The following USH2A variants were observed in gnomAD, a reference collection of about 807,000 sequenced individuals.
USH2A encodes the protein Usher syndrome 2A (autosomal recessive, mild).
USH2A carries 443 observed loss-of-function variants against 538.9 expected under a neutral mutation model. The ratio of observed to expected loss-of-function variants is 0.82; its 90% CI spans 0.76 to 0.89. The LOEUF (loss-of-function observed/expected upper bound fraction) is 0.89. USH2A is among the 40% of genes least tolerant of loss of function. The probability of loss-of-function intolerance (pLI) is 0.00; values close to 1 mark genes in which losing one functional copy is unlikely to be tolerated. For missense variants in USH2A, 6,633 were observed against 6,324.8 expected (o/e 1.05, Z -1.65); for synonymous variants, 2,413 against 2,273.5 (o/e 1.06, Z -1.75).
chr1:215,900,036 G>A, intron 40 of USH2A, 39 bp downstream of exon 40: 1 of 1,613,062 alleles, frequency 6.2e-7, no homozygotes, highest in Non-Finnish European at 8.5e-7. Flanking sequence ...AGCTCCCTAT[G>A]TAGAAGACAT....
chr1:215,656,595 C>T (rs750078402), intron 64 of USH2A, among the ~76,000 whole-genome samples: 4 of 152,156 alleles, frequency 2.6e-5, no homozygotes, highest in Non-Finnish European at 4.4e-5. Flanking sequence ...TGTCTTTACG[C>T]TTGGAGCAAT....
chr1:216,126,544 C>T (rs1443581397), intron 21 of USH2A, among the ~76,000 whole-genome samples: 2 of 152,060 alleles, frequency 1.3e-5, no homozygotes, highest in East Asian at 1.9e-4. Flanking sequence ...TTGTGTCAGA[C>T]ATTACTCTAA....
intron 3 of USH2A, among the ~76,000 whole-genome samples, chr1:216,380,362 C>A (rs906758362): frequency 6.6e-6 from 1 of 151,972 alleles, no homozygotes; most frequent in Admixed American, 6.6e-5. Flanking sequence ...TTCCAGGCAC[C>A]AGAATACAGA....
Position 216,325,379 on chromosome 1 carries a change from T to A in USH2A, c.1069A>T (p.Asn357Tyr). The A allele has an allele frequency of 6.2e-7, 1 of 1,613,928 alleles. No individual in the cohort carries two copies. The highest frequency in any genetic ancestry group is 8.5e-7 in the Non-Finnish European group (1 of 1,179,888). ...DNDVGTSWVSNVFTNITQLNQ... is the reference protein window; with the variant it reads ...DNDVGTSWVSYVFTNITQLNQ... Reference sequence around the variant, plus strand: ...AGCTGTGTAATGTTTGTAAACACATTTGAAACCCATGAAGTACCAACATCA... The same window carrying A: ...AGCTGTGTAATGTTTGTAAACACATATGAAACCCATGAAGTACCAACATCA... The change falls in exon 6 of 72, where the codon AAT (asparagine) becomes TAT (tyrosine). Residue 357 changes from asparagine (N) to tyrosine (Y), a missense_variant. Asn to Tyr is a moderately radical substitution (Grantham distance 143). Coordinates refer to ENST00000307340, the MANE Select transcript of USH2A (RefSeq NM_206933.4).
At chr1:216,035,638 T>G (rs1465501187) in intron 32 of USH2A, among the ~76,000 whole-genome samples, 1 of 152,218 alleles carries the variant, frequency 6.6e-6, no homozygotes, top group Non-Finnish European at 1.5e-5. Context: ...ATATATTGGA[T>G]GATTAAATGA....
intron 38 of USH2A, among the ~76,000 whole-genome samples, chr1:215,928,327 T>G (rs552942408): frequency 6.6e-6 from 1 of 152,292 alleles, no homozygotes; most frequent in South Asian, 2.1e-4. Flanking sequence ...TTAATTGTCA[T>G]GTAAGGAAAG....
intron 43 of USH2A, among the ~76,000 whole-genome samples, chr1:215,875,615 T>G (rs1044034988): frequency 2.6e-5 from 4 of 152,092 alleles, no homozygotes; most frequent in African/African-American, 9.7e-5. Context: ...AATTATTTAA[T>G]AAGTTTTCAT....
At chr1:216,159,634 C>A (rs767503824) in intron 21 of USH2A, among the ~76,000 whole-genome samples, 4 of 151,142 alleles carry the variant, frequency 2.6e-5, no homozygotes, top group Non-Finnish European at 5.9e-5. Context: ...ATGTTAATTT[C>A]TTTGTCAGAT....
intron 63 of USH2A, among the ~76,000 whole-genome samples, chr1:215,673,739 CT>C (rs771847313): frequency 6.6e-6 from 1 of 152,180 alleles, no homozygotes; most frequent in Non-Finnish European, 1.5e-5. Context: ...ACATCATTTT[CT>C]TCACAGTCTG....
intron 11 of USH2A, among the ~76,000 whole-genome samples, chr1:216,270,470 ACT>A (rs1250689988): frequency 2.6e-5 from 4 of 151,808 alleles, no homozygotes; most frequent in Middle Eastern, 3.4e-3. Flanking sequence ...AAAATCTCTA[ACT>A]CCTCTTCTTC....
chr1:215,694,747 T>C (rs900660417), intron 61 of USH2A, among the ~76,000 whole-genome samples: 1 of 152,196 alleles, frequency 6.6e-6, no homozygotes, highest in African/African-American at 2.4e-5. Context: ...CACTTCCTAA[T>C]AACATCACAT....
chr1:216,247,088 T>A lies in USH2A; in HGVS notation c.2306A>T (p.Lys769Ile). 6.2e-7 allele frequency: 1 copy of A among 1,614,056 alleles called. No homozygotes were observed. The highest frequency in any genetic ancestry group is 8.5e-7 in the Non-Finnish European group (1 of 1,179,958). Residue 769 changes from lysine (K) to isoleucine (I), a missense_variant, in exon 13 of 72, where the codon AAA becomes ATA. Lys to Ile is a moderately radical substitution (Grantham distance 102). Transcript: ENST00000307340. ...CNPHSGQCEC[K>I]KEAKGLQCDT... ...ACACTGAAGTCCTTTGGCTTCTTTT[T>A]TGCACTCACACTGCCCAGAGTGAGG...
chr1:216,312,787 C>T (rs2037445430), intron 9 of USH2A, among the ~76,000 whole-genome samples: 1 of 152,122 alleles, frequency 6.6e-6, no homozygotes, highest in South Asian at 2.1e-4. Context: ...GTCTGAGTCT[C>T]ATTCTCATTT....
chr1:216,313,911 A>G (rs1206020201), intron 9 of USH2A, among the ~76,000 whole-genome samples: 3 of 152,040 alleles, frequency 2.0e-5, no homozygotes, highest in East Asian at 3.9e-4. Context: ...TTAATTTCTT[A>G]CACTTTGTAT....
At chr1:215,941,769 T>C (rs958442359) in intron 37 of USH2A, among the ~76,000 whole-genome samples, 1 of 152,168 alleles carries the variant, frequency 6.6e-6, no homozygotes, top group Non-Finnish European at 1.5e-5. Context: ...AACATTTTCT[T>C]CTAATTACTG....
chr1:215,750,197 T>C (rs1183539065), intron 58 of USH2A, among the ~76,000 whole-genome samples: 1 of 152,220 alleles, frequency 6.6e-6, no homozygotes, highest in African/African-American at 2.4e-5. Context: ...TTCTCCACTG[T>C]ATAGGTAGGG....
Position 215,934,785 on chromosome 1 carries a change from G to A in USH2A, c.7131C>T (p.Asn2377=), listed in dbSNP as rs758699151. 3 of 1,610,266 alleles carry A rather than the reference G, an allele frequency of 1.9e-6. No homozygotes were observed. The highest frequency in any genetic ancestry group is 2.5e-6 in the Non-Finnish European group (3 of 1,178,042). The change falls in exon 38 of 72, where the codon AAC becomes AAT. Residue 2377 remains asparagine, a synonymous_variant. Coordinates refer to ENST00000307340, the MANE Select transcript of USH2A (RefSeq NM_206933.4). ...GIFYVDPVGN[N]YTLLNVTKVM... ...CTTTTGTGACATTCAGAAGGGTGTA[G>A]TTATTACCTACTGATTAAAAAAGAA...
intron 12 of USH2A, among the ~76,000 whole-genome samples, chr1:216,248,738 C>T (rs2036100665): frequency 6.6e-6 from 1 of 152,032 alleles, no homozygotes; most frequent in Non-Finnish European, 1.5e-5. Context: ...AATTGGTCTA[C>T]ATGGATTCAT....
At chr1:216,321,035 CTTTAT>C (rs1471453559) in intron 9 of USH2A, among the ~76,000 whole-genome samples, 2 of 151,956 alleles carry the variant, frequency 1.3e-5, no homozygotes, top group African/African-American at 4.8e-5. Context: ...GAATTCTAAT[CTTTAT>C]TTTAATATAT....
Sources: gnomAD v4.1 joint callset for allele counts (sites outside exome capture counted in the v4.1 genomes callset) on GRCh38, gnomAD v4.1.1 for gene constraint, MANE v1.5 for transcripts, NCBI Gene and HGNC (gene_info 2026-07-23, HGNC 2026-07-21) for gene names.